PTDSS1: variants seen among roughly 807,000 people sequenced by gnomAD.
PTDSS1 encodes the protein phosphatidylserine synthase 1.
Under a neutral mutation model 70.5 loss-of-function variants are expected in PTDSS1, and 45 were observed. The observed-to-expected ratio is 0.64, with a 90% CI of 0.50 to 0.82. The LOEUF is 0.82. Ranked by LOEUF, PTDSS1 falls within the 40% of genes least tolerant of loss-of-function variation. The pLI, the probability that PTDSS1 is intolerant of heterozygous loss-of-function variation, is 0.00. For missense variants in PTDSS1, 417 were observed against 586.1 expected (o/e 0.71, Z 2.98); for synonymous variants, 188 against 203.8 (o/e 0.92, Z 0.66).
At chr8:96,306,093 A>G (rs1257741944) in intron 7 of PTDSS1, among the ~76,000 whole-genome samples, 1 of 152,190 alleles carries the variant, frequency 6.6e-6, no homozygotes, top group Non-Finnish European at 1.5e-5. Flanking sequence ...GTTTGCTTTC[A>G]TGACTTCTGT....
chr8:96,262,239 CG>C lies in PTDSS1; in HGVS notation c.179+26del, dbSNP rs768603335. The C allele has an allele frequency of 5.5e-6, 6 of 1,083,026 alleles. No homozygotes were observed. In the African/African-American group the frequency reaches 9.1e-5, roughly 16 times the overall value. The allele number at this position is 1,083,026 out of a possible 1,614,324, so 67.1% of individuals were successfully genotyped here. On this transcript the variant is annotated intron_variant, in intron 1 of 12. Coordinates refer to ENST00000517309, the MANE Select transcript of PTDSS1 (RefSeq NM_014754.3). The surrounding 1 kb of genome is among the most constrained non-coding windows in gnomAD (Gnocchi z 4.4). ...TACCAGGTGGGGCGGCCCAGCCGAG[CG>C]GGGGGCGCGTCCAAGGGCTAGGGAA...
chr8:96,262,213 T>A lies in PTDSS1; in HGVS notation c.173T>A (p.Phe58Tyr). 1 of 1,612,988 alleles carries A rather than the reference T, an allele frequency of 6.2e-7. No homozygotes were observed. The highest frequency in any genetic ancestry group is 8.5e-7 in the Non-Finnish European group (1 of 1,179,328). ...ATCGTCAGCCTCATGTACTTCGCCT[T>A]TACCAGGTGGGGCGGCCCAGCCGAG... is the stretch of plus-strand genomic sequence containing the variant. ...FTIVSLMYFA[F>Y]TRDDSVPEDN... Residue 58 changes from phenylalanine (F) to tyrosine (Y), a missense_variant, in exon 1 of 13, where the codon TTT becomes TAT. Phe to Tyr is a conservative substitution (Grantham distance 22). Transcript: ENST00000517309. The surrounding 1 kb of genome is among the most constrained non-coding windows in gnomAD (Gnocchi z 4.4).
intron 1 of PTDSS1, among the ~76,000 whole-genome samples, chr8:96,265,335 A>T (rs879380806): frequency 6.6e-6 from 1 of 152,214 alleles, no homozygotes; most frequent in Admixed American, 6.5e-5. Flanking sequence ...TGCTTCAGAG[A>T]TCCAGCAAGA....
At chr8:96,267,216 C>T (rs111312032) in intron 1 of PTDSS1, among the ~76,000 whole-genome samples, 5,612 of 152,256 alleles carry the variant, frequency 0.037, 357 homozygotes, top group African/African-American at 0.13. Flanking sequence ...AGGACTAGTC[C>T]GGTCAGCCTG....
Position 96,262,263 on chromosome 8 carries a change from GAAGA to G in PTDSS1, c.179+45_179+48del. 4 of 763,914 alleles carry G rather than the reference GAAGA, an allele frequency of 5.2e-6. No homozygotes were observed. The highest frequency in any genetic ancestry group is 2.0e-5 in the Admixed American group (1 of 49,018). 47.3% of individuals were successfully genotyped at this position (763,914 alleles called of 1,614,324 possible). A position where few individuals can be genotyped will look rare whatever the true frequency, so the allele number is the denominator to read the frequency against. ...GCGGGGGGCGCGTCCAAGGGCTAGG[GAAGA>G]GGCGGGAGGGAGGGTGGCGGGGAGG... On this transcript the variant is annotated intron_variant, in intron 1 of 12. Transcript: ENST00000517309. The surrounding 1 kb of genome is among the most constrained non-coding windows in gnomAD (Gnocchi z 4.4).
chr8:96,293,918 C>G (rs1810941415), intron 4 of PTDSS1, among the ~76,000 whole-genome samples: 1 of 152,210 alleles, frequency 6.6e-6, no homozygotes, highest in Admixed American at 6.5e-5. Flanking sequence ...GGGCATTTCC[C>G]TCTGTCAGCC....
chr8:96,322,903 C>T (rs978431119), intron 10 of PTDSS1, among the ~76,000 whole-genome samples: 4 of 152,150 alleles, frequency 2.6e-5, no homozygotes, highest in African/African-American at 4.8e-5. Flanking sequence ...ACTTGAGCCA[C>T]AGCCAAGAAG....
intron 10 of PTDSS1, 115 bp from the exon 11 acceptor site, chr8:96,330,098 C>A: frequency 4.1e-6 from 4 of 975,044 alleles, no homozygotes; most frequent in Non-Finnish European, 4.8e-6. Context: ...CGTTTTGTAA[C>A]CGGCGTCCAG....
At chr8:96,291,368 C>T (rs1263758584) in intron 4 of PTDSS1, among the ~76,000 whole-genome samples, 1 of 152,082 alleles carries the variant, frequency 6.6e-6, no homozygotes, top group Non-Finnish European at 1.5e-5. Context: ...GACACAGGCC[C>T]AAACTTGTTC....
chr8:96,296,366 C>T (rs1310625702), intron 5 of PTDSS1, among the ~76,000 whole-genome samples: 1 of 152,026 alleles, frequency 6.6e-6, no homozygotes, highest in Non-Finnish European at 1.5e-5. Context: ...TCTCAATCTC[C>T]TGTCCTTGTG....
intron 9 of PTDSS1, among the ~76,000 whole-genome samples, chr8:96,310,169 CTTT>C (rs113232621): frequency 2.9e-5 from 4 of 139,720 alleles, no homozygotes; most frequent in African/African-American, 2.6e-5. Flanking sequence ...GGATCTCTCT[CTTT>C]TTTTTTTTTT....
In PTDSS1 at chr8:96,335,898, A is replaced by G. The variant is rs891634353; in HGVS notation, c.*2332A>G. 6.6e-6 allele frequency: 1 copy of G among 152,232 alleles called. No individual in the cohort carries two copies. The highest frequency in any genetic ancestry group is 2.4e-5 in the African/African-American group (1 of 41,464). 9.4% of individuals were successfully genotyped at this position (152,232 alleles called of 1,614,324 possible). The stretch of plus-strand genomic sequence containing the variant: ...ATCTGAAATGATTTGATTGTAAATT[A>G]TCTCATGGTCCCTGTTTGCAAACCA... On this transcript the variant is annotated 3_prime_UTR_variant, in exon 13 of 13. Transcript: ENST00000517309.
In PTDSS1 at chr8:96,299,735, G is replaced by A. The variant is rs1811025171; in HGVS notation, c.642G>A (p.Trp214Ter). The change falls in exon 6 of 13, where the codon TGG becomes TGA. Residue 214 changes from tryptophan to a stop codon, truncating the protein, a stop_gained. Coordinates refer to ENST00000517309, the MANE Select transcript of PTDSS1 (RefSeq NM_014754.3). LOFTEE classifies it high-confidence loss of function. ...MHLLPNFAEC[W>*]WDQVILDILL... ...TCCTCCCCAATTTTGCCGAGTGCTGGTGGGATCAAGTCATTCTGGACATCC... is the reference window on the plus strand; with the variant it reads ...TCCTCCCCAATTTTGCCGAGTGCTGATGGGATCAAGTCATTCTGGACATCC... 6 of 1,614,000 alleles carry A rather than the reference G, an allele frequency of 3.7e-6. No homozygotes were observed. The highest frequency in any genetic ancestry group is 5.1e-6 in the Non-Finnish European group (6 of 1,179,996).
intron 10 of PTDSS1, among the ~76,000 whole-genome samples, chr8:96,327,838 C>T (rs750375237): frequency 5.3e-5 from 8 of 152,152 alleles, no homozygotes; most frequent in Non-Finnish European, 1.2e-4. Context: ...TCTTCTCGCC[C>T]CCCCGCCCTT....
rs57116529 is a variant in PTDSS1 at position 96,276,980 on chromosome 8, GCACA to G, written c.271+3620_271+3623del. Among the ~76,000 whole-genome samples, 1,065 of 145,898 alleles carry G rather than the reference GCACA, an allele frequency of 7.3e-3. 12 individuals carry two copies. The highest frequency in any genetic ancestry group is 0.046 in the East Asian group (227 of 4,908). ...GGCACATACACGCGCGCACGCGCGCGCACACACACACACACACACACACACACAC... is the reference window on the plus strand; with the variant it reads ...GGCACATACACGCGCGCACGCGCGCGCACACACACACACACACACACACAC... On this transcript the variant is annotated intron_variant, in intron 2 of 12. Transcript: ENST00000517309.
chr8:96,295,945 G>A (rs1396914571), intron 5 of PTDSS1, among the ~76,000 whole-genome samples: 6 of 151,908 alleles, frequency 3.9e-5, no homozygotes, highest in Non-Finnish European at 8.8e-5. Flanking sequence ...CTGTTCTGGA[G>A]GCCAGAAGTC....
intron 9 of PTDSS1, among the ~76,000 whole-genome samples, chr8:96,314,070 G>A (rs549758927): frequency 3.4e-4 from 51 of 152,084 alleles, no homozygotes; most frequent in Non-Finnish European, 6.6e-4. Context: ...TTGAGACAGG[G>A]TCTTGCTGTG....
chr8:96,262,045 C>T lies in PTDSS1; in HGVS notation c.5C>T (p.Ala2Val), dbSNP rs1373990657. M[A>V]SCVGSRTLSK... ...GGCAGGACGGGGAGGCGGGCCATGG[C>T]GTCCTGCGTGGGGAGCCGGACCCTA... The change falls in exon 1 of 13, where the codon GCG becomes GTG. Residue 2 changes from alanine (A) to valine (V), a missense_variant. By Grantham distance (64) the Ala-to-Val change is moderately conservative. Transcript: ENST00000517309. The surrounding 1 kb of genome is among the most constrained non-coding windows in gnomAD (Gnocchi z 4.4). 2 of 1,611,538 alleles carry T rather than the reference C, an allele frequency of 1.2e-6. No individual in the cohort carries two copies. Among genetic ancestry groups the T allele is most frequent in the East Asian group, 2.2e-5 (1 of 44,742 alleles).
Position 96,283,791 on chromosome 8 carries a change from C to T in PTDSS1, c.272-318C>T, listed in dbSNP as rs78835635. On this transcript the variant is annotated intron_variant, in intron 2 of 12. Coordinates refer to ENST00000517309, the MANE Select transcript of PTDSS1 (RefSeq NM_014754.3). The stretch of plus-strand genomic sequence containing the variant: ...ACAATATGCATCACACACACTTAAG[C>T]CTAGCCTGATGACCCACTCACTATT... The T allele has an allele frequency of 5.0e-3, 1,490 of 295,608 alleles. 41 individuals carry two copies. The East Asian group carries it at 0.058, about 12-fold the overall frequency. 18.3% of individuals were successfully genotyped at this position (295,608 alleles called of 1,614,324 possible). A position where few individuals can be genotyped will look rare whatever the true frequency, so the allele number is the denominator to read the frequency against.
Sources: gnomAD v4.1 joint callset for allele counts (sites outside exome capture counted in the v4.1 genomes callset) on GRCh38, gnomAD v4.1.1 for gene constraint, Gnocchi (gnomAD v3.1) non-coding constraint, MANE v1.5 for transcripts, NCBI Gene and HGNC (gene_info 2026-07-23, HGNC 2026-07-21) for gene names.